The following APPBP2 variants were observed in gnomAD, a reference collection of about 807,000 sequenced individuals.
APPBP2 encodes the protein amyloid beta precursor protein binding protein 2.
APPBP2 carries 15 observed loss-of-function variants against 76.0 expected under a neutral mutation model. The ratio of observed to expected loss-of-function variants is 0.20; its 90% CI spans 0.13 to 0.30. The LOEUF is 0.30. APPBP2 is among the 10% of genes least tolerant of loss of function. The pLI, the probability that APPBP2 is intolerant of heterozygous loss-of-function variation, is 1.00. For synonymous variants in APPBP2, 222 were observed against 242.2 expected (o/e 0.92, Z 0.77); for missense variants, 401 against 687.2 (o/e 0.58, Z 4.66).
chr17:60,470,893 C>T (rs192115830), intron 4 of APPBP2, among the ~76,000 whole-genome samples: 106 of 149,070 alleles, frequency 7.1e-4, no homozygotes, highest in African/African-American at 2.4e-3. Flanking sequence ...TGGGTTCAAG[C>T]GATTCTCCTG....
At chr17:60,458,435 C>CAAA (rs10692598) in intron 9 of APPBP2, among the ~76,000 whole-genome samples, 27 of 137,278 alleles carry the variant, frequency 2.0e-4, no homozygotes, top group African/African-American at 7.2e-4. Flanking sequence ...GACTCTGTCT[C>CAAA]AAAAAAAAAA....
intron 12 of APPBP2, 48 bp from the exon 13 acceptor site, chr17:60,447,882 A>G (rs757789200): frequency 2.0e-6 from 3 of 1,500,416 alleles, no homozygotes; most frequent in African/African-American, 1.4e-5. Context: ...AAATAATGAG[A>G]TAACAAGCAA....
chr17:60,525,733 G>C, intron 1 of APPBP2, 61 bp downstream of exon 1: 1 of 1,607,392 alleles, frequency 6.2e-7, no homozygotes, highest in South Asian at 1.1e-5. Flanking sequence ...CGCAGACGTG[G>C]AAGGGGGTGC....
At chr17:60,448,436 T>C (rs2090367070) in intron 12 of APPBP2, among the ~76,000 whole-genome samples, 3 of 152,128 alleles carry the variant, frequency 2.0e-5, no homozygotes, top group Admixed American at 2.0e-4. Context: ...GCACTCCAGC[T>C]TGGGTGACAG....
At chr17:60,487,906 C>A (rs1451839506) in intron 3 of APPBP2, among the ~76,000 whole-genome samples, 3 of 152,154 alleles carry the variant, frequency 2.0e-5, no homozygotes, top group Non-Finnish European at 4.4e-5. Flanking sequence ...TAGTTTATGT[C>A]GATGCTATTC....
At chr17:60,502,614 G>A (rs1299048241) in intron 1 of APPBP2, among the ~76,000 whole-genome samples, 1 of 146,714 alleles carries the variant, frequency 6.8e-6, no homozygotes, top group African/African-American at 2.8e-5. Context: ...AGCACTTTGG[G>A]AGGCCAAGGG....
Position 60,445,239 on chromosome 17 carries a change from C to T in APPBP2, c.*2342G>A, listed in dbSNP as rs2090336214. Reference sequence around the variant, plus strand: ...AGCAGTGGTGATAAGGAGAAACTGCCAATAATGATGTTTCAAAAAAACACA... The same window carrying T: ...AGCAGTGGTGATAAGGAGAAACTGCTAATAATGATGTTTCAAAAAAACACA... On this transcript the variant is annotated 3_prime_UTR_variant, in exon 13 of 13. Coordinates refer to ENST00000083182, the MANE Select transcript of APPBP2 (RefSeq NM_006380.5). 1 of 152,366 alleles carries T rather than the reference C, an allele frequency of 6.6e-6. No individual in the cohort carries two copies. Among genetic ancestry groups the T allele is most frequent in the East Asian group, 1.9e-4 (1 of 5,182 alleles). 9.4% of individuals were successfully genotyped at this position (152,366 alleles called of 1,614,324 possible).
chr17:60,485,511 T>C (rs1481261431), intron 3 of APPBP2, among the ~76,000 whole-genome samples: 1 of 152,234 alleles, frequency 6.6e-6, no homozygotes, highest in African/African-American at 2.4e-5. Context: ...TAGTATTCTC[T>C]GATGGTAGTC....
intron 1 of APPBP2, among the ~76,000 whole-genome samples, chr17:60,507,710 G>A (rs1325439479): frequency 6.6e-6 from 1 of 152,060 alleles, no homozygotes; most frequent in South Asian, 2.1e-4. Flanking sequence ...AGATTAACCC[G>A]GTTGGTAAAT....
chr17:60,476,328 T>C (rs77885729), intron 4 of APPBP2, among the ~76,000 whole-genome samples: 4 of 152,316 alleles, frequency 2.6e-5, no homozygotes, highest in Admixed American at 1.3e-4. Context: ...TATTCTTGCA[T>C]CAGGCTCAAA....
At chr17:60,516,982 A>C (rs1395504917) in intron 1 of APPBP2, among the ~76,000 whole-genome samples, 1 of 152,100 alleles carries the variant, frequency 6.6e-6, no homozygotes, top group East Asian at 1.9e-4. Flanking sequence ...AAAAACAAAC[A>C]AACAAAAAAC....
chr17:60,487,119 T>C (rs144228682), intron 3 of APPBP2, among the ~76,000 whole-genome samples: 12,508 of 152,182 alleles, frequency 0.082, 1,704 homozygotes, highest in African/African-American at 0.28. Context: ...TTCTGGCTGC[T>C]CTTAACATTT....
At chr17:60,464,636 C>G (rs1435380021) in intron 5 of APPBP2, among the ~76,000 whole-genome samples, 1 of 152,124 alleles carries the variant, frequency 6.6e-6, no homozygotes, top group Non-Finnish European at 1.5e-5. Context: ...TTAGGGGAAA[C>G]AGGTGTAGAG....
At chr17:60,490,110 T>G (rs1349386260) in intron 3 of APPBP2, among the ~76,000 whole-genome samples, 2 of 152,158 alleles carry the variant, frequency 1.3e-5, no homozygotes, top group Non-Finnish European at 2.9e-5. Context: ...CAAATAGTAC[T>G]GTATCTTGAT....
At chr17:60,490,058 A>G (rs558171587) in intron 3 of APPBP2, among the ~76,000 whole-genome samples, 1 of 152,172 alleles carries the variant, frequency 6.6e-6, no homozygotes, top group Admixed American at 6.6e-5. Flanking sequence ...AAACAAAACA[A>G]AACAAAACAA....
At chr17:60,479,411 T>G (rs571773691) in intron 3 of APPBP2, 140 bp from the exon 4 acceptor site, 1 of 868,154 alleles carries the variant, frequency 1.2e-6, no homozygotes, top group South Asian at 2.0e-5. Flanking sequence ...AACACAGGTA[T>G]GAACTGTGAG....
At chr17:60,498,832 A>AC (rs2090798519) in intron 2 of APPBP2, among the ~76,000 whole-genome samples, 1 of 152,218 alleles carries the variant, frequency 6.6e-6, no homozygotes, top group Non-Finnish European at 1.5e-5. Flanking sequence ...ATAGTGAAAT[A>AC]ATACCAGGTA....
At chr17:60,465,982 G>C (rs889159415) in intron 5 of APPBP2, among the ~76,000 whole-genome samples, 7 of 151,984 alleles carry the variant, frequency 4.6e-5, no homozygotes, top group Non-Finnish European at 8.8e-5. Context: ...ACCACCACAG[G>C]CGTGTGCTAC....
chr17:60,453,414 C>A (rs2090409824), intron 11 of APPBP2, among the ~76,000 whole-genome samples: 1 of 151,330 alleles, frequency 6.6e-6, no homozygotes, highest in Admixed American at 6.6e-5. Flanking sequence ...GAACTCCTGA[C>A]CCTCAAGTGT....
Sources: allele counts gnomAD v4.1 joint callset (sites outside exome capture counted in the v4.1 genomes callset), GRCh38; gene constraint gnomAD v4.1.1; transcripts MANE v1.5; gene names NCBI Gene and HGNC (gene_info 2026-07-23, HGNC 2026-07-21).